Variants in DGKG observed in about 807,000 individuals in gnomAD.
DGKG encodes DAG kinase gamma.
Under a neutral mutation model 105.3 loss-of-function variants are expected in DGKG, and 78 were observed. The observed-to-expected ratio is 0.74, with a 90% CI of 0.62 to 0.89. The LOEUF is 0.89. Among genes scored for constraint, DGKG ranks in the 40% least tolerant of loss-of-function variants. The pLI is 0.00. For synonymous variants in DGKG, 346 were observed against 367.1 expected (o/e 0.94, Z 0.66); for missense variants, 958 against 1,020.1 (o/e 0.94, Z 0.83).
In DGKG at chr3:186,149,601, C is replaced by T. The variant is rs952304998; in HGVS notation, c.*489G>A. ...CTGCCAAGGATTATGCTCTGAGAGC[C>T]GGAGGCCGTTTTGTCTCTGTACAGA... On this transcript the variant is annotated 3_prime_UTR_variant, in exon 25 of 25. Coordinates refer to ENST00000265022, the MANE Select transcript of DGKG (RefSeq NM_001346.3). 71 of 985,878 alleles carry T rather than the reference C, an allele frequency of 7.2e-5. No homozygotes were observed. In the African/African-American group the frequency reaches 9.8e-4, roughly 14 times the overall value. The allele number at this position is 985,878 out of a possible 1,614,324, so 61.1% of individuals were successfully genotyped here.
chr3:186,239,052 C>A (rs754103601), intron 20 of DGKG, among the ~76,000 whole-genome samples: 14 of 152,136 alleles, frequency 9.2e-5, no homozygotes, highest in Non-Finnish European at 1.9e-4. Context: ...TACCTTAGTA[C>A]AATTTCAAGG....
At chr3:186,299,841 T>TTTCTTTCTTTCTTTCTTTCTCTC (rs1446531456) in intron 3 of DGKG, among the ~76,000 whole-genome samples, 17 of 74,652 alleles carry the variant, frequency 2.3e-4, no homozygotes, top group African/African-American at 1.0e-3. Context: ...TTCTTTCTTT[T>TTTCTTTCTTTCTTTCTTTCTCTC]TTTTTTTTTT....
At chr3:186,324,805 AC>A (rs1324251851) in intron 1 of DGKG, among the ~76,000 whole-genome samples, 2 of 152,170 alleles carry the variant, frequency 1.3e-5, no homozygotes, top group African/African-American at 4.8e-5. Context: ...CTTAAAACAG[AC>A]CTCCCATGCA....
intron 22 of DGKG, among the ~76,000 whole-genome samples, chr3:186,187,039 G>C (rs1717672043): frequency 6.6e-6 from 1 of 152,244 alleles, no homozygotes; most frequent in Non-Finnish European, 1.5e-5. Context: ...GAGCGATGGA[G>C]AGAGTGGCAG....
intron 1 of DGKG, among the ~76,000 whole-genome samples, chr3:186,351,616 A>G (rs57136977): frequency 0.02 from 2,992 of 152,354 alleles, 86 homozygotes; most frequent in African/African-American, 0.067. Flanking sequence ...TTCACCAAGA[A>G]GTCATGGCAG....
chr3:186,240,141 C>G (rs1720611319), intron 20 of DGKG, among the ~76,000 whole-genome samples: 1 of 152,140 alleles, frequency 6.6e-6, no homozygotes, highest in South Asian at 2.1e-4. Context: ...GTATACTGCA[C>G]CCTCTCACTC....
Position 186,252,989 on chromosome 3 carries a change from C to T in DGKG, c.1600+104G>A, listed in dbSNP as rs372549265. The T allele has an allele frequency of 9.8e-4, 918 of 937,612 alleles. 12 individuals carry two copies. The South Asian group carries it at 0.012, about 12-fold the overall frequency. The allele number at this position is 937,612 out of a possible 1,614,324, so 58.1% of individuals were successfully genotyped here. A position where few individuals can be genotyped will look rare whatever the true frequency, so the allele number is the denominator to read the frequency against. ...GACTGCAGAGTTGAGTATTATGCTG[C>T]GGAATGTGATCCATAAAAGGGTAAG... On this transcript the variant is annotated intron_variant, in intron 18 of 24. Transcript: ENST00000265022.
In DGKG at chr3:186,282,280, C is replaced by A. The variant is rs1169201891; in HGVS notation, c.595-1536G>T. Reference sequence around the variant, plus strand: ...CACCACAAAGAGGAGTGCCTGTGTTCGAGAAGGAAGCCCTCTCCAGCAGTC... The same window carrying A: ...CACCACAAAGAGGAGTGCCTGTGTTAGAGAAGGAAGCCCTCTCCAGCAGTC... On this transcript the variant is annotated intron_variant, in intron 7 of 24. Coordinates refer to ENST00000265022, the MANE Select transcript of DGKG (RefSeq NM_001346.3). 3.9e-5 allele frequency among the ~76,000 whole-genome samples: 6 copies of A among 152,182 alleles called. No individual in the cohort carries two copies. In the South Asian group the frequency reaches 1.0e-3, roughly 26 times the overall value.
intron 22 of DGKG, among the ~76,000 whole-genome samples, chr3:186,178,225 T>C (rs1209637471): frequency 6.6e-6 from 1 of 152,152 alleles, no homozygotes; most frequent in African/African-American, 2.4e-5. Context: ...CCCAACTCAC[T>C]AAGAAAAACA....
intron 6 of DGKG, among the ~76,000 whole-genome samples, chr3:186,288,208 C>CG (rs200342639): frequency 0.017 from 2,573 of 152,004 alleles, 36 homozygotes; most frequent in Non-Finnish European, 0.026. Context: ...CTTGGGGTGG[C>CG]GGGGGGGCAT....
At chr3:186,260,329 G>T in intron 16 of DGKG, 110 bp downstream of exon 16, 1 of 779,256 alleles carries the variant, frequency 1.3e-6, no homozygotes, top group African/African-American at 1.7e-5. Context: ...AAAATGGCAG[G>T]AAGGAACAAG....
intron 1 of DGKG, among the ~76,000 whole-genome samples, chr3:186,334,374 C>T (rs1405715460): frequency 2.6e-5 from 4 of 152,166 alleles, no homozygotes; most frequent in African/African-American, 4.8e-5. Context: ...GGTGGATTTA[C>T]TGGTTCATTC....
intron 1 of DGKG, among the ~76,000 whole-genome samples, chr3:186,352,878 G>A (rs1404702266): frequency 6.6e-6 from 1 of 152,056 alleles, no homozygotes; most frequent in East Asian, 1.9e-4. Flanking sequence ...CCCCACTTAT[G>A]AGTTCTCAGT....
chr3:186,329,028 C>T (rs1023036377), intron 1 of DGKG, among the ~76,000 whole-genome samples: 3 of 152,178 alleles, frequency 2.0e-5, no homozygotes, highest in Non-Finnish European at 2.9e-5. Context: ...CTCTAGCTCA[C>T]GAAGCTCGGC....
intron 24 of DGKG, chr3:186,160,642 G>A (rs1268735200): frequency 2.0e-6 from 2 of 985,296 alleles, no homozygotes; most frequent in African/African-American, 3.5e-5. Flanking sequence ...AATAGCAGGT[G>A]ATCAAAGTAT....
At chr3:186,298,041 A>T in intron 4 of DGKG, 23 bp downstream of exon 4, 1 of 1,590,592 alleles carries the variant, frequency 6.3e-7, no homozygotes, top group Non-Finnish European at 8.6e-7. Context: ...AGGTCTTCCC[A>T]TCTTGGGGAA....
At chr3:186,216,804 G>T (rs17295554) in intron 20 of DGKG, among the ~76,000 whole-genome samples, 52 of 152,184 alleles carry the variant, frequency 3.4e-4, no homozygotes, top group African/African-American at 1.2e-3. Flanking sequence ...CTTAGCCCTT[G>T]TTGGAGGACC....
At chr3:186,237,690 T>C (rs750785821) in intron 20 of DGKG, among the ~76,000 whole-genome samples, 34 of 152,198 alleles carry the variant, frequency 2.2e-4, no homozygotes, top group Non-Finnish European at 3.5e-4. Flanking sequence ...GCTTGCTCAA[T>C]GAAATCTATG....
intron 3 of DGKG, among the ~76,000 whole-genome samples, chr3:186,299,191 A>G (rs951644443): frequency 6.6e-6 from 1 of 152,126 alleles, no homozygotes; most frequent in Non-Finnish European, 1.5e-5. Context: ...AGGAAGCACT[A>G]CTCTGAGATC....
Sources: allele counts gnomAD v4.1 joint callset (sites outside exome capture counted in the v4.1 genomes callset), GRCh38; gene constraint gnomAD v4.1.1; transcripts MANE v1.5; gene names NCBI Gene and HGNC (gene_info 2026-07-23, HGNC 2026-07-21).